Variants in TTN observed in about 807,000 individuals in gnomAD.
The protein encoded by TTN is titin, also known as connectin.
Under a neutral mutation model 3,223.0 loss-of-function variants are expected in TTN, and 1,525 were observed. The ratio of observed to expected loss-of-function variants is 0.47; its 90% CI spans 0.45 to 0.49. The LOEUF (loss-of-function observed/expected upper bound fraction) is 0.49. Among genes scored for constraint, TTN ranks in the 20% least tolerant of loss-of-function variants. TTN has a pLI of 0.00. For missense variants in TTN, 40,786 were observed against 43,424.0 expected, an observed-to-expected ratio of 0.94 and a Z score of 5.40; for synonymous variants, 14,094 against 15,161.0, an observed-to-expected ratio of 0.93 and a Z score of 5.17.
chr2:178,594,415 C>T lies in TTN; in HGVS notation c.58079G>A (p.Ser19360Asn), dbSNP rs761996172. The part of the protein sequence containing the change: ...KEGDTYEYRV[S>N]AVNIVGQGKP... ...GCCTTGTCCAACAATGTTGACAGCA[C>T]TGACACGGTACTCATAGGTATCACC... is the stretch of plus-strand genomic sequence containing the variant. The change falls in exon 296 of 363, where the codon AGT (serine) becomes AAT (asparagine). Residue 19360 changes from serine (S) to asparagine (N), a missense_variant. Coordinates refer to ENST00000589042, the MANE Select transcript of TTN (RefSeq NM_001267550.2). 2 of 1,610,298 alleles carry T rather than the reference C, an allele frequency of 1.2e-6. No individual in the cohort carries two copies. Among genetic ancestry groups the T allele is most frequent in the Admixed American group, 1.7e-5 (1 of 59,690 alleles).
rs1193499473 is a variant in TTN at position 178,647,462 on chromosome 2, G to T, written c.40060C>A (p.Pro13354Thr). The T allele has an allele frequency of 6.5e-7, 1 of 1,549,334 alleles. No homozygotes were observed. The highest frequency in any genetic ancestry group is 8.7e-7 in the Non-Finnish European group (1 of 1,146,302). Residue 13354 changes from proline (P) to threonine (T), a missense_variant and splice_region_variant, in exon 214 of 363, where the codon CCC becomes ACC. Pro to Thr is a conservative substitution (Grantham distance 38). Transcript: ENST00000589042. ...KKPEVLPEKV[P>T]KVPEKIIPEK... ...GGGATGATTTTCTCAGGCACTTTGG[G>T]CACTTTAAAGATATGATTTTGTTTA... is the stretch of plus-strand genomic sequence containing the variant.
chr2:178,560,712 G>A lies in TTN; in HGVS notation c.85420C>T (p.Arg28474Cys), dbSNP rs757771061. 23 of 1,613,476 alleles carry A rather than the reference G, an allele frequency of 1.4e-5. No homozygotes were observed. Among genetic ancestry groups the A allele is most frequent in the Middle Eastern group, 1.6e-4 (1 of 6,082 alleles). ...TCTGCACCACCATCTTCTTGGGGAC[G>A]TCCCCAGGAAAGAGAGCATTTCTCA... ...TAEKCSLSWG[R>C]PQEDGGADID... Residue 28474 changes from arginine (R) to cysteine (C), a missense_variant, in exon 326 of 363, where the codon CGT becomes TGT. Physicochemically the swap from Arg to Cys is radical, Grantham distance 180. Coordinates refer to ENST00000589042, the MANE Select transcript of TTN (RefSeq NM_001267550.2).
chr2:178,553,554 T>G lies in TTN; in HGVS notation c.89451A>C (p.Gly29817=), dbSNP rs757441740. The part of the protein sequence containing the change: ...YFRVSAVNCA[G]QGEPIEMNEP... ...CATTCATTTCTATAGGTTCTCCTTG[T>G]CCAGCACAGTTTACAGCAGATACCC... The change falls in exon 334 of 363, where the codon GGA becomes GGC. Residue 29817 remains glycine (G), a synonymous_variant. Coordinates refer to ENST00000589042, the MANE Select transcript of TTN (RefSeq NM_001267550.2). 1 of 1,613,906 alleles carries G rather than the reference T, an allele frequency of 6.2e-7. No individual in the cohort carries two copies. Among genetic ancestry groups the G allele is most frequent in the South Asian group, 1.1e-5 (1 of 91,078 alleles).
Position 178,535,559 on chromosome 2 carries a change from C to T in TTN, c.101056G>A (p.Val33686Met), listed in dbSNP as rs1194467385. ...CTGGGTGGGTCAGGAACATCAGCCA[C>T]ATCCAGTTCAACTGTCTTCTGATCA... ...GIDQKTVELD[V>M]ADVPDPPRGV... The change falls in exon 358 of 363, where the codon GTG (valine) becomes ATG (methionine). Residue 33686 changes from valine to methionine, a missense_variant. Transcript: ENST00000589042. 2 of 1,613,790 alleles carry T rather than the reference C, an allele frequency of 1.2e-6. No homozygotes were observed. Among genetic ancestry groups the T allele is most frequent in the Admixed American group, 1.7e-5 (1 of 60,000 alleles).
chr2:178,784,777 T>C (rs2093047742), intron 15 of TTN, among the ~76,000 whole-genome samples: 1 of 152,218 alleles, frequency 6.6e-6, no homozygotes, highest in Non-Finnish European at 1.5e-5. Context: ...ATTTGGGTTT[T>C]AGCCACAAAT....
At chr2:178,653,158 G>A (rs562902129) in intron 198 of TTN, 34 bp from the exon 199 acceptor site, 2 of 1,609,600 alleles carry the variant, frequency 1.2e-6, no homozygotes, top group East Asian at 2.2e-5. Context: ...ACATTTAGGG[G>A]TTATGAAGAC....
chr2:178,593,863 A>G lies in TTN; in HGVS notation c.58437T>C (p.Arg19479=). 6.2e-7 allele frequency: 1 copy of G among 1,610,032 alleles called. No individual in the cohort carries two copies. The highest frequency in any genetic ancestry group is 8.5e-7 in the Non-Finnish European group (1 of 1,178,868). ...TAACTGGTCCTACTGGTGGTCCAGG[A>G]CGGTCTGCAGAAAAAAAAAATCATG... is the stretch of plus-strand genomic sequence containing the variant. ...KGFCQVNVVD[R]PGPPVGPVSF... The change falls in exon 298 of 363, where the codon CGT becomes CGC. Residue 19479 remains arginine, a synonymous_variant. Transcript: ENST00000589042.
intron 242 of TTN, 130 bp from the exon 243 acceptor site, chr2:178,622,897 T>C: frequency 1.4e-6 from 1 of 712,994 alleles, no homozygotes; most frequent in Non-Finnish European, 2.4e-6. Context: ...CAACTGACTT[T>C]GAAATCACTT....
rs2562832 is a variant in TTN at position 178,717,108 on chromosome 2, C to T, written c.25626G>A (p.Gln8542=). ...TCTAACAAGTACCTTGTACACCCAG[C>T]TGAGCAGAACAAGAGTCTTTTCCAG... The part of the protein sequence containing the change: ...NIAGKDSCSA[Q]LGVQEPPRFI... The change falls in exon 88 of 363, where the codon CAG becomes CAA. Residue 8542 remains glutamine (Q), a synonymous_variant. Coordinates refer to ENST00000589042, the MANE Select transcript of TTN (RefSeq NM_001267550.2). The T allele has an allele frequency of 6.2e-7, 1 of 1,611,690 alleles. No homozygotes were observed. Among genetic ancestry groups the T allele is most frequent in the African/African-American group, 1.3e-5 (1 of 74,960 alleles).
At position 178,757,545 on chromosome 2, in the gene TTN, T is replaced by C; in HGVS notation, c.10675A>G (p.Lys3559Glu). 1 of 1,558,788 alleles carries C rather than the reference T, an allele frequency of 6.4e-7. No individual in the cohort carries two copies. Among genetic ancestry groups the C allele is most frequent in the African/African-American group, 1.4e-5 (1 of 73,486 alleles). The change falls in exon 45 of 363, where the codon AAA (lysine) becomes GAA (glutamate). Residue 3559 changes from lysine to glutamate, a missense_variant. Lys to Glu is a moderately conservative substitution (Grantham distance 56, BLOSUM62 1). Coordinates refer to ENST00000589042, the MANE Select transcript of TTN (RefSeq NM_001267550.2). ...CTTGAAGCAAGATGGGCTTTACCTT[T>C]TGGAGTCACTGTGAGTGTAGCTGCA... ...TCAATLTVTP[K>E]VQALDRQSSG...
rs184886891 is a variant in TTN, at chr2:178,741,119, G to C, written c.12114C>G (p.Thr4038=). 3.7e-6 allele frequency: 6 copies of C among 1,613,692 alleles called. No individual in the cohort carries two copies. The East Asian group carries it at 1.1e-4, about 30-fold the overall frequency. The change falls in exon 48 of 363, where the codon ACC becomes ACG. Residue 4038 remains threonine (T), a synonymous_variant. Coordinates refer to ENST00000589042, the MANE Select transcript of TTN (RefSeq NM_001267550.2). The stretch of plus-strand genomic sequence containing the variant: ...CTGGTGTGGACTTTGCTTTGCAGGG[G>C]GTATCAGTCATGTCTGTGTCTTCCA... ...VLLEDTDMTD[T]PCKAKSTPEA...
Position 178,576,164 on chromosome 2 carries a change from C to T in TTN, c.69968G>A (p.Gly23323Asp). 1 of 1,613,134 alleles carries T rather than the reference C, an allele frequency of 6.2e-7. No homozygotes were observed. Among genetic ancestry groups the T allele is most frequent in the South Asian group, 1.1e-5 (1 of 90,964 alleles). The change falls in exon 326 of 363, where the codon GGT becomes GAT. Residue 23323 changes from glycine to aspartate, a missense_variant. Gly to Asp is a moderately conservative substitution (Grantham distance 94, BLOSUM62 -1). Coordinates refer to ENST00000589042, the MANE Select transcript of TTN (RefSeq NM_001267550.2). This position sits in a 1 kb window ranked among gnomAD's most constrained non-coding sequence, Gnocchi z 4.3. ...TGGAATCACCGCTGGCTCCCCAACA[C>T]CTGCATCGTTGATGGCACTGATTCT... The part of the protein sequence containing the change: ...NFRISAINDA[G>D]VGEPAVIPDV...
chr2:178,613,095 T>C (rs768057242), intron 264 of TTN, 23 bp from the exon 265 acceptor site: 1 of 1,611,844 alleles, frequency 6.2e-7, no homozygotes, highest in African/African-American at 1.3e-5. Flanking sequence ...GAAATCATTG[T>C]TTAGGTTTGT....
At chr2:178,710,600 C>T (rs1388443313) in intron 98 of TTN, 35 bp downstream of exon 98, 1 of 1,578,764 alleles carries the variant, frequency 6.3e-7, no homozygotes, top group Admixed American at 1.7e-5. Context: ...AAAATGATTA[C>T]ACTTTTGTTG....
intron 156 of TTN, 109 bp from the exon 157 acceptor site, chr2:178,670,404 G>GTTGT: frequency 2.0e-6 from 1 of 496,710 alleles, no homozygotes; most frequent in Non-Finnish European, 3.3e-6. Context: ...AATATAAAAT[G>GTTGT]CAGACAACAC....
chr2:178,555,137 T>C lies in TTN; in HGVS notation c.88322A>G (p.Asp29441Gly). ...CIDSYGGPVI[D>G]LPLEYTEVVK... Reference sequence around the variant, plus strand: ...AACTTCTGTATATTCTAGAGGCAAATCAATTACAGGACCACCTGCAAGAAA... The same window carrying C: ...AACTTCTGTATATTCTAGAGGCAAACCAATTACAGGACCACCTGCAAGAAA... The change falls in exon 331 of 363, where the codon GAT (aspartate) becomes GGT (glycine). Residue 29441 changes from aspartate to glycine, a missense_variant. By Grantham distance (94) the Asp-to-Gly change is moderately conservative. Coordinates refer to ENST00000589042, the MANE Select transcript of TTN (RefSeq NM_001267550.2). The C allele has an allele frequency of 6.2e-7, 1 of 1,609,262 alleles. No individual in the cohort carries two copies. The highest frequency in any genetic ancestry group is 8.5e-7 in the Non-Finnish European group (1 of 1,178,894).
Position 178,582,138 on chromosome 2 carries a change from C to T in TTN, c.66231G>A (p.Lys22077=), listed in dbSNP as rs761188203. Residue 22077 remains lysine (K), a synonymous_variant, in exon 315 of 363, where the codon AAG becomes AAA. Transcript: ENST00000589042. The stretch of plus-strand genomic sequence containing the variant: ...GTGAGCCCCCATCATCTGCTGGTGG[C>T]TTCCAGCTGACTGTCATGTGATCTT... The part of the protein sequence containing the change: ...ITKDHMTVSW[K]PPADDGGSPI... The T allele has an allele frequency of 3.1e-6, 5 of 1,612,718 alleles. No homozygotes were observed. Among genetic ancestry groups the T allele is most frequent in the Non-Finnish European group, 4.2e-6 (5 of 1,179,536 alleles).
At position 178,574,665 on chromosome 2, in the gene TTN, G is replaced by C. The variant is rs1373143726; in HGVS notation, c.71467C>G (p.Pro23823Ala). 6.2e-7 allele frequency: 1 copy of C among 1,613,136 alleles called. No homozygotes were observed. The highest frequency in any genetic ancestry group is 8.5e-7 in the Non-Finnish European group (1 of 1,179,450). Residue 23823 changes from proline (P) to alanine (A), a missense_variant, in exon 326 of 363, where the codon CCA (proline) becomes GCA (alanine). Pro to Ala is a conservative substitution (Grantham distance 27, BLOSUM62 -1). Transcript: ENST00000589042. ...CCAGGAGGTCCAGGAACCTTAAATG[G>C]ATAGTTGGCAACTATGCATGCTGAT... ...ITSACIVANY[P>A]FKVPGPPGTP... is the part of the protein sequence containing the mutation.
rs1308248191 is a variant in TTN, at chr2:178,566,507, C to T, written c.79625G>A (p.Gly26542Asp). ...AATTTCAAATCGAGTGACTCTCAGG[C>T]CAGTCTGTGGAGTAACTATTTGCCA... is the stretch of plus-strand genomic sequence containing the variant. ...EEWQIVTPQT[G>D]LRVTRFEISK... is the part of the protein sequence containing the mutation. Residue 26542 changes from glycine to aspartate, a missense_variant, in exon 326 of 363, where the codon GGC becomes GAC. Gly to Asp is a moderately conservative substitution (Grantham distance 94). Coordinates refer to ENST00000589042, the MANE Select transcript of TTN (RefSeq NM_001267550.2). 1 of 1,613,306 alleles carries T rather than the reference C, an allele frequency of 6.2e-7. No individual in the cohort carries two copies. The highest frequency in any genetic ancestry group is 1.3e-5 in the African/African-American group (1 of 74,872).
Sources: allele counts gnomAD v4.1 joint callset (sites outside exome capture counted in the v4.1 genomes callset), GRCh38; gene constraint gnomAD v4.1.1; non-coding constraint Gnocchi (gnomAD v3.1); transcripts MANE v1.5; gene names NCBI Gene and HGNC (gene_info 2026-07-23, HGNC 2026-07-21).